RYR1: variants seen among roughly 807,000 people sequenced by gnomAD.
RYR1 encodes the protein ryanodine receptor 1.
A neutral mutation model predicts 583.5 loss-of-function variants in RYR1; 342 were observed. The ratio of observed to expected loss-of-function variants is 0.59; its 90% CI spans 0.54 to 0.64. RYR1 has a LOEUF of 0.64. Ranked by LOEUF, RYR1 falls within the 30% of genes least tolerant of loss-of-function variation. The probability of loss-of-function intolerance (pLI) is 0.00; values close to 1 mark genes in which losing one functional copy is unlikely to be tolerated. For synonymous variants in RYR1, 2,791 were observed against 2,822.5 expected (o/e 0.99, Z 0.35); for missense variants, 6,032 against 6,917.2 (o/e 0.87, Z 4.54).
At chr19:38,582,890 T>G (rs1263609389) in intron 101 of RYR1, among the ~76,000 whole-genome samples, 1 of 152,182 alleles carries the variant, frequency 6.6e-6, no homozygotes, top group Non-Finnish European at 1.5e-5. Flanking sequence ...ACCTGACATC[T>G]GAGGCTCTTC....
intron 61 of RYR1, 35 bp downstream of exon 61, chr19:38,511,645 AT>A: frequency 1.2e-6 from 2 of 1,608,404 alleles, no homozygotes; most frequent in African/African-American, 2.7e-5. Flanking sequence ...TTCCTCCCTA[AT>A]CTTTCTCTTC....
rs374272827 is a variant in RYR1, at chr19:38,510,561, C to T, written c.8996C>T (p.Ala2999Val). 1.8e-5 allele frequency: 29 copies of T among 1,614,146 alleles called. No individual in the cohort carries two copies. The highest frequency in any genetic ancestry group is 2.5e-5 in the Non-Finnish European group (29 of 1,180,032). ...CATGAACAGGAGATTAAATTCTTTG[C>T]CAAGGTGAGAGGTGGGCTTAGAAGC... ...SPHEQEIKFFAKILLPLINQY... is the reference protein window; with the variant it reads ...SPHEQEIKFFVKILLPLINQY... The change falls in exon 59 of 106, where the codon GCC (alanine) becomes GTC (valine). Residue 2999 changes from alanine to valine, a missense_variant. Around this residue, in one of 11 missense-constraint regions of RYR1, gnomAD observed 1,493 missense variants for 1,715.5 expected, o/e 0.87. Transcript: ENST00000359596.
At chr19:38,564,854 G>T in intron 90 of RYR1, 105 bp from the exon 91 acceptor site, 1 of 1,518,590 alleles carries the variant, frequency 6.6e-7, no homozygotes, top group South Asian at 1.2e-5. Flanking sequence ...AATGCATTTA[G>T]AACAGCGCCT....
Position 38,528,596 on chromosome 19 carries a change from C to A in RYR1, c.10938-3C>A, listed in dbSNP as rs377684668. On this transcript the variant is annotated splice_region_variant and splice_polypyrimidine_tract_variant and intron_variant, in intron 74 of 105. Transcript: ENST00000359596. ...CCAGTGACGTCACACCTCTCCCCTGCAGGCACCGGGCATGTAACATGTTCC... is the reference window on the plus strand; with the variant it reads ...CCAGTGACGTCACACCTCTCCCCTGAAGGCACCGGGCATGTAACATGTTCC... The A allele has an allele frequency of 5.0e-6, 8 of 1,614,002 alleles. No individual in the cohort carries two copies. Among genetic ancestry groups the A allele is most frequent in the Non-Finnish European group, 5.9e-6 (7 of 1,179,982 alleles).
At chr19:38,535,076 T>A in intron 79 of RYR1, 65 bp from the exon 80 acceptor site, 1 of 1,532,916 alleles carries the variant, frequency 6.5e-7, no homozygotes, top group East Asian at 2.2e-5. Context: ...ATGGCTGTTT[T>A]CTGGTGGGTG....
Position 38,469,529 on chromosome 19 carries a change from C to A in RYR1, c.3765+16C>A. ...TCACTATGAGGTAAGGACTGAGCCC[C>A]TCAATGCCTTCTCATCTGCCTCCAA... is the stretch of plus-strand genomic sequence containing the variant. On this transcript the variant is annotated intron_variant, in intron 27 of 105. Coordinates refer to ENST00000359596, the MANE Select transcript of RYR1 (RefSeq NM_000540.3). 1 of 1,610,538 alleles carries A rather than the reference C, an allele frequency of 6.2e-7. No individual in the cohort carries two copies. The highest frequency in any genetic ancestry group is 8.5e-7 in the Non-Finnish European group (1 of 1,177,034).
chr19:38,446,075 T>C (rs527300553), intron 7 of RYR1, among the ~76,000 whole-genome samples: 1 of 152,172 alleles, frequency 6.6e-6, no homozygotes, highest in East Asian at 1.9e-4. Flanking sequence ...ACCATCACCC[T>C]TCTAAACCCA....
chr19:38,477,464 C>A lies in RYR1; in HGVS notation c.4294-246C>A, dbSNP rs115758092. On this transcript the variant is annotated intron_variant, in intron 29 of 105. Transcript: ENST00000359596. ...GGCCTGCAATTATTTATTTGTCAGT[C>A]TACTGTAACCTGGGAGGAACCCAAA... 0.027 allele frequency among the ~76,000 whole-genome samples: 4,175 copies of A among 152,230 alleles called. 181 individuals are homozygous for A. Among genetic ancestry groups the A allele is most frequent in the African/African-American group, 0.091 (3,775 of 41,534 alleles).
chr19:38,444,060 C>T lies in RYR1; in HGVS notation c.425-89C>T, dbSNP rs144528365. On this transcript the variant is annotated intron_variant, in intron 5 of 105. Coordinates refer to ENST00000359596, the MANE Select transcript of RYR1 (RefSeq NM_000540.3). The surrounding 1 kb of genome is among the most constrained non-coding windows in gnomAD (Gnocchi z 5.1). ...ATAGGAGAGTTGTGGGCCAAGGGCC[C>T]GGGAGGCCTGGTGGAGGGAGAGCCC... 1.6e-4 allele frequency: 186 copies of T among 1,154,170 alleles called. No homozygotes were observed. In the African/African-American group the frequency reaches 2.3e-3, roughly 15 times the overall value. 71.5% of individuals were successfully genotyped at this position (1,154,170 alleles called of 1,614,324 possible).
intron 90 of RYR1, among the ~76,000 whole-genome samples, chr19:38,564,661 G>C (rs917161141): frequency 1.3e-5 from 2 of 152,158 alleles, no homozygotes; most frequent in Non-Finnish European, 2.9e-5. Context: ...GATTACAGGG[G>C]TGCGCCACCA....
At chr19:38,576,674 C>T (rs1026469969) in intron 97 of RYR1, among the ~76,000 whole-genome samples, 3 of 151,784 alleles carry the variant, frequency 2.0e-5, no homozygotes, top group Non-Finnish European at 2.9e-5. Flanking sequence ...TAGCTGGGCA[C>T]CTGTAATCCC....
In RYR1 at chr19:38,499,608, A is replaced by AC. The variant is rs535617589; in HGVS notation, c.7028-22dup. On this transcript the variant is annotated intron_variant, in intron 43 of 105. Coordinates refer to ENST00000359596, the MANE Select transcript of RYR1 (RefSeq NM_000540.3). This position sits in a 1 kb window ranked among gnomAD's most constrained non-coding sequence, Gnocchi z 7.3. ...GAGGTCTCTGATGGTGGCTCATGAG[A>AC]CCCCCTTTCCCCATGCGGGTGGCCA... is the stretch of plus-strand genomic sequence containing the variant. The AC allele has an allele frequency of 8.9e-4, 1,419 of 1,595,678 alleles. 12 individuals are homozygous for AC. The African/African-American group carries it at 0.017, about 19-fold the overall frequency.
At chr19:38,473,015 C>CAA (rs199613372) in intron 27 of RYR1, among the ~76,000 whole-genome samples, 5,030 of 74,456 alleles carry the variant, frequency 0.068, 325 homozygotes, top group African/African-American at 0.2. Flanking sequence ...GACTGTGTCT[C>CAA]AAAAAAAAAA....
chr19:38,529,424 G>T (rs903871574), intron 76 of RYR1, among the ~76,000 whole-genome samples: 2 of 152,154 alleles, frequency 1.3e-5, no homozygotes, highest in Non-Finnish European at 2.9e-5. Context: ...AGGTTGCAGT[G>T]AGCCGAGATC....
intron 95 of RYR1, among the ~76,000 whole-genome samples, chr19:38,572,956 C>A (rs528506175): frequency 5.9e-5 from 9 of 151,806 alleles, no homozygotes; most frequent in Non-Finnish European, 1.0e-4. Flanking sequence ...CCTGACCCCC[C>A]TGCCTGTGCC....
chr19:38,528,639 G>T lies in RYR1; in HGVS notation c.10978G>T (p.Ala3660Ser). ...CNMFLESYKA[A>S]WILTEDHSFE... ...CATGTTCCTGGAGAGCTACAAGGCT[G>T]CATGGATCCTGACTGAAGACCACAG... The change falls in exon 75 of 106, where the codon GCA (alanine) becomes TCA (serine). Residue 3660 changes from alanine (A) to serine (S), a missense_variant. Ala to Ser is a moderately conservative substitution (Grantham distance 99, BLOSUM62 1). Around this residue, in one of 11 missense-constraint regions of RYR1, gnomAD observed 1,493 missense variants for 1,715.5 expected, o/e 0.87. Transcript: ENST00000359596. 1.2e-6 allele frequency: 2 copies of T among 1,614,204 alleles called. No individual in the cohort carries two copies. The highest frequency in any genetic ancestry group is 1.7e-6 in the Non-Finnish European group (2 of 1,180,034).
chr19:38,542,100 A>C (rs1229165973), intron 84 of RYR1, among the ~76,000 whole-genome samples: 2 of 147,184 alleles, frequency 1.4e-5, no homozygotes, highest in African/African-American at 5.0e-5. Context: ...AAGGCCGGGG[A>C]CTGTTTTTTT....
intron 65 of RYR1, 80 bp from the exon 66 acceptor site, chr19:38,517,279 G>A: frequency 1.4e-6 from 2 of 1,400,062 alleles, no homozygotes; most frequent in Non-Finnish European, 2.0e-6. Context: ...AATGGTGTCT[G>A]ATGTATTGCG....
At chr19:38,506,265 C>T in intron 54 of RYR1, 38 bp from the exon 55 acceptor site, 2 of 1,605,612 alleles carry the variant, frequency 1.2e-6, no homozygotes. Context: ...TCCTGCTAGC[C>T]CATCAGCCCA....
Sources: allele counts gnomAD v4.1 joint callset (sites outside exome capture counted in the v4.1 genomes callset), GRCh38; gene constraint gnomAD v4.1.1; regional missense constraint gnomAD v4.1.1; non-coding constraint Gnocchi (gnomAD v3.1); transcripts MANE v1.5; gene names NCBI Gene and HGNC (gene_info 2026-07-23, HGNC 2026-07-21).